Variants in OPCML observed in about 807,000 individuals in gnomAD.
OPCML encodes the protein opioid-binding protein/cell adhesion molecule.
In OPCML, 13 loss-of-function variants were observed where a neutral mutation model predicts 37.8. The observed-to-expected ratio is 0.34, with a 90% CI of 0.22 to 0.55. OPCML has a LOEUF of 0.55. Ranked by LOEUF, OPCML falls within the 20% of genes least tolerant of loss-of-function variation. The probability of loss-of-function intolerance (pLI) is 0.91; values close to 1 mark genes in which losing one functional copy is unlikely to be tolerated. For synonymous variants in OPCML, 176 were observed against 168.8 expected, an observed-to-expected ratio of 1.04 and a Z score of -0.33; for missense variants, 341 against 435.6, an observed-to-expected ratio of 0.78 and a Z score of 1.93.
chr11:133,121,431 C>T (rs1189807513), intron 1 of OPCML, among the ~76,000 whole-genome samples: 2 of 152,140 alleles, frequency 1.3e-5, no homozygotes, highest in South Asian at 2.1e-4. Context: ...AAGATATCCT[C>T]GGAATGTCCT....
At chr11:133,468,271 C>T (rs1032439172) in intron 1 of OPCML, among the ~76,000 whole-genome samples, 2 of 152,208 alleles carry the variant, frequency 1.3e-5, no homozygotes, top group African/African-American at 4.8e-5. Context: ...GGCTCTCAGA[C>T]CCCTACCTGC....
chr11:132,983,353 A>C (rs1353311100), intron 1 of OPCML, among the ~76,000 whole-genome samples: 2 of 152,186 alleles, frequency 1.3e-5, no homozygotes, highest in African/African-American at 4.8e-5. Context: ...TCAAGTTCTC[A>C]CTTTAATAAA....
At chr11:132,567,996 TAGAA>T (rs980542394) in intron 3 of OPCML, among the ~76,000 whole-genome samples, 9 of 151,436 alleles carry the variant, frequency 5.9e-5, no homozygotes, top group African/African-American at 2.2e-4. Context: ...ATGTTGAAAA[TAGAA>T]AGGGGTCCCT....
At chr11:133,375,111 C>T (rs1304890164) in intron 1 of OPCML, among the ~76,000 whole-genome samples, 1 of 152,168 alleles carries the variant, frequency 6.6e-6, no homozygotes, top group Non-Finnish European at 1.5e-5. Flanking sequence ...TTTACATATT[C>T]CAGTTCTGCT....
At chr11:132,512,816 T>C (rs1050358744) in intron 4 of OPCML, among the ~76,000 whole-genome samples, 5 of 151,836 alleles carry the variant, frequency 3.3e-5, no homozygotes, top group Admixed American at 3.3e-4. Context: ...ATATCAGTGT[T>C]TGCCTCAAGT....
intron 1 of OPCML, among the ~76,000 whole-genome samples, chr11:133,233,326 CTG>C (rs1316745866): frequency 1.3e-5 from 2 of 152,060 alleles, no homozygotes; most frequent in East Asian, 3.9e-4. Flanking sequence ...CTGAAGGAAA[CTG>C]GGAAACATCA....
intron 1 of OPCML, among the ~76,000 whole-genome samples, chr11:133,116,983 C>T (rs1484729988): frequency 1.3e-5 from 2 of 151,694 alleles, no homozygotes; most frequent in African/African-American, 2.4e-5. Flanking sequence ...GATATTTTTT[C>T]CTTTTATTCC....
At chr11:132,598,815 GT>G (rs201228666) in intron 3 of OPCML, among the ~76,000 whole-genome samples, 2 of 151,876 alleles carry the variant, frequency 1.3e-5, no homozygotes, top group Admixed American at 6.6e-5. Context: ...TCTAGTTTAT[GT>G]TTTTTTTAAA....
At chr11:132,960,591 C>T (rs917366496) in intron 1 of OPCML, among the ~76,000 whole-genome samples, 3 of 152,210 alleles carry the variant, frequency 2.0e-5, no homozygotes, top group Non-Finnish European at 4.4e-5. Flanking sequence ...TCTCCCTCCC[C>T]CTCTCCATCT....
intron 3 of OPCML, among the ~76,000 whole-genome samples, chr11:132,532,539 A>T (rs1258286501): frequency 6.6e-6 from 1 of 152,202 alleles, no homozygotes; most frequent in Non-Finnish European, 1.5e-5. Context: ...GCATGGGGAG[A>T]TAAATGGATC....
chr11:132,465,526 C>T (rs905645494), intron 4 of OPCML, among the ~76,000 whole-genome samples: 7 of 150,016 alleles, frequency 4.7e-5, no homozygotes, highest in Non-Finnish European at 8.8e-5. Context: ...ATCAATTTTT[C>T]GATTGGACTT....
intron 1 of OPCML, among the ~76,000 whole-genome samples, chr11:133,190,524 A>G (rs1444133988): frequency 6.6e-6 from 1 of 152,204 alleles, no homozygotes; most frequent in African/African-American, 2.4e-5. Flanking sequence ...ATACAATTCA[A>G]CTGATTTTAG....
intron 1 of OPCML, chr11:133,361,021 G>C (rs1944401404): frequency 6.6e-6 from 1 of 152,450 alleles, no homozygotes; most frequent in Non-Finnish European, 1.5e-5. Flanking sequence ...ACGGCCTTGC[G>C]CTTCGTGCTC....
chr11:133,092,996 A>G (rs1245420386), intron 1 of OPCML, among the ~76,000 whole-genome samples: 1 of 152,148 alleles, frequency 6.6e-6, no homozygotes, highest in Non-Finnish European at 1.5e-5. Flanking sequence ...CTATTTTCCT[A>G]GGCACTTTGA....
intron 1 of OPCML, among the ~76,000 whole-genome samples, chr11:133,344,262 A>G (rs1196292729): frequency 6.6e-6 from 1 of 152,260 alleles, no homozygotes; most frequent in Non-Finnish European, 1.5e-5. Context: ...TCACTGTTGA[A>G]TAAATGAACC....
intron 2 of OPCML, among the ~76,000 whole-genome samples, chr11:132,703,817 G>T (rs1419344429): frequency 6.6e-6 from 1 of 152,190 alleles, no homozygotes; most frequent in African/African-American, 2.4e-5. Context: ...TTCAGGGGCT[G>T]TCCTGGTGTT....
intron 1 of OPCML, among the ~76,000 whole-genome samples, chr11:133,269,647 A>G (rs1477301080): frequency 6.6e-6 from 1 of 152,214 alleles, no homozygotes; most frequent in East Asian, 1.9e-4. Context: ...GGCAATGGTA[A>G]AAACTAACAT....
chr11:132,936,274 T>C (rs1387517518), intron 2 of OPCML, among the ~76,000 whole-genome samples: 1 of 152,146 alleles, frequency 6.6e-6, no homozygotes, highest in African/African-American at 2.4e-5. Context: ...CCTCTACATC[T>C]GGGGAGGGGG....
At chr11:133,226,926 CT>C (rs1297616435) in intron 1 of OPCML, among the ~76,000 whole-genome samples, 1 of 152,228 alleles carries the variant, frequency 6.6e-6, no homozygotes, top group African/African-American at 2.4e-5. Flanking sequence ...TCAGTAGACT[CT>C]TGTCATGAGC....
Sources: gnomAD v4.1 joint callset for allele counts (sites outside exome capture counted in the v4.1 genomes callset) on GRCh38, gnomAD v4.1.1 for gene constraint, MANE v1.5 for transcripts, NCBI Gene and HGNC (gene_info 2026-07-23, HGNC 2026-07-21) for gene names.